The following AOPEP variants were observed in gnomAD, a reference collection of about 807,000 sequenced individuals.
The protein encoded by AOPEP is aminopeptidase O.
Under a neutral mutation model 98.1 loss-of-function variants are expected in AOPEP, and 77 were observed. The ratio of observed to expected loss-of-function variants is 0.78; its 90% CI spans 0.65 to 0.95. AOPEP has a LOEUF of 0.95. AOPEP is among the 40% of genes least tolerant of loss of function. The pLI is 0.00. For synonymous variants in AOPEP, 346 were observed against 365.3 expected, an observed-to-expected ratio of 0.95 and a Z score of 0.60; for missense variants, 1,024 against 1,024.7, an observed-to-expected ratio of 1.00 and a Z score of 0.01.
intron 7 of AOPEP, among the ~76,000 whole-genome samples, chr9:94,946,297 A>G (rs1035170936): frequency 1.3e-5 from 2 of 152,210 alleles, no homozygotes; most frequent in East Asian, 1.9e-4. Context: ...GCTTAAATAT[A>G]TTCCGGGCTG....
chr9:95,124,935 C>T, the AOPEP span: 8 of 717,550 alleles, frequency 1.1e-5, no homozygotes, highest in African/African-American at 5.3e-5. Context: ...GTTAAAATGG[C>T]TTAACCTTTG....
chr9:94,996,808 A>G (rs1289035096), intron 11 of AOPEP, among the ~76,000 whole-genome samples: 1 of 152,236 alleles, frequency 6.6e-6, no homozygotes, highest in Non-Finnish European at 1.5e-5. Flanking sequence ...TTTCTAAACA[A>G]TAGAGCCCAT....
intron 16 of AOPEP, chr9:95,085,893 T>G (rs941923823): frequency 5.0e-6 from 6 of 1,203,506 alleles, no homozygotes; most frequent in Non-Finnish European, 6.3e-6. Flanking sequence ...GAGCTCCTGT[T>G]GTTCTGGGCG....
At chr9:94,767,812 C>T (rs1362281027) in intron 2 of AOPEP, among the ~76,000 whole-genome samples, 1 of 152,206 alleles carries the variant, frequency 6.6e-6, no homozygotes, top group Admixed American at 6.5e-5. Flanking sequence ...GTCAAAGCAG[C>T]ATTCTCCCTG....
chr9:94,737,255 C>T (rs1831994150), intron 1 of AOPEP, among the ~76,000 whole-genome samples: 1 of 152,072 alleles, frequency 6.6e-6, no homozygotes, highest in African/African-American at 2.4e-5. Context: ...CAAGCACATG[C>T]CACCATGCCT....
rs187497142 is a variant in AOPEP at position 94,793,415 on chromosome 9, C to T, written c.1118+497C>T. Among the ~76,000 whole-genome samples, 455 of 151,952 alleles carry T rather than the reference C, an allele frequency of 3.0e-3. 4 individuals are homozygous for T. Among genetic ancestry groups the T allele is most frequent in the South Asian group, 0.022 (105 of 4,810 alleles). On this transcript the variant is annotated intron_variant, in intron 4 of 16. Transcript: ENST00000375315. ...GAAAGAGAGGCTGGGCGTGGTGGCT[C>T]AGGCCTGTAATCCCAGCACTTTGGG...
intron 3 of AOPEP, among the ~76,000 whole-genome samples, chr9:94,791,341 G>A (rs991985342): frequency 2.6e-5 from 4 of 151,990 alleles, no homozygotes; most frequent in Non-Finnish European, 4.4e-5. Context: ...GCCTGCTTGA[G>A]GGTGGAGGGT....
intron 16 of AOPEP, chr9:95,086,176 G>A (rs1192382920): frequency 2.2e-5 from 29 of 1,322,368 alleles, no homozygotes; most frequent in Non-Finnish European, 2.8e-5. Context: ...ACAGGCCCGC[G>A]TCCACCCTGC....
At chr9:94,963,199 A>G (rs538315454) in intron 9 of AOPEP, among the ~76,000 whole-genome samples, 1 of 152,092 alleles carries the variant, frequency 6.6e-6, no homozygotes, top group Admixed American at 6.5e-5. Context: ...CCCCTTCCCC[A>G]TGAACATGAT....
intron 6 of AOPEP, 127 bp from the exon 7 acceptor site, chr9:94,928,298 A>T: frequency 1.5e-6 from 1 of 678,020 alleles, no homozygotes. Context: ...TAGGTTTCTG[A>T]TGGAAGCAAG....
chr9:94,997,982 A>G (rs145755864), intron 11 of AOPEP, among the ~76,000 whole-genome samples: 7 of 152,152 alleles, frequency 4.6e-5, no homozygotes, highest in African/African-American at 1.4e-4. Flanking sequence ...TACAGGCATG[A>G]GCCACCACAC....
chr9:95,084,641 C>A (rs573333549), intron 16 of AOPEP, among the ~76,000 whole-genome samples: 2 of 152,242 alleles, frequency 1.3e-5, no homozygotes, highest in Non-Finnish European at 2.9e-5. Context: ...ACAGGGCACA[C>A]CCCTCGCCAC....
At chr9:94,850,940 A>G (rs917552698) in intron 5 of AOPEP, among the ~76,000 whole-genome samples, 1 of 152,218 alleles carries the variant, frequency 6.6e-6, no homozygotes, top group Non-Finnish European at 1.5e-5. Flanking sequence ...ACAGGGAGAC[A>G]TAGACATACA....
chr9:94,949,733 A>G (rs1259417355), intron 7 of AOPEP, among the ~76,000 whole-genome samples: 1 of 152,236 alleles, frequency 6.6e-6, no homozygotes, highest in Non-Finnish European at 1.5e-5. Context: ...GTCAGTGGCA[A>G]ATGTTCATTA....
intron 15 of AOPEP, among the ~76,000 whole-genome samples, chr9:95,081,086 G>A (rs935587190): frequency 2.6e-5 from 4 of 152,180 alleles, no homozygotes; most frequent in East Asian, 1.9e-4. Flanking sequence ...CCTTGGTGAC[G>A]CCGTGGGGTA....
intron 13 of AOPEP, among the ~76,000 whole-genome samples, chr9:95,031,795 C>G (rs2064328552): frequency 6.6e-6 from 1 of 152,212 alleles, no homozygotes; most frequent in African/African-American, 2.4e-5. Flanking sequence ...TGTCCCAGTT[C>G]AAACAAGCGA....
At chr9:95,111,789 G>T in the AOPEP span, 1 of 937,876 alleles carries the variant, frequency 1.1e-6, no homozygotes, top group Non-Finnish European at 1.7e-6. Context: ...GATTCAGAAA[G>T]CCTGTCCAAA....
At chr9:95,148,149 C>G in the AOPEP span, among the ~76,000 whole-genome samples, 4 of 152,184 alleles carry the variant, frequency 2.6e-5, no homozygotes, top group Non-Finnish European at 4.4e-5. Flanking sequence ...ATATGAATGT[C>G]TGATGAAGCA....
At chr9:95,052,628 A>G (rs780817588) in intron 13 of AOPEP, among the ~76,000 whole-genome samples, 2 of 152,218 alleles carry the variant, frequency 1.3e-5, no homozygotes, top group Non-Finnish European at 2.9e-5. Context: ...CGTGTTGATA[A>G]ATTATTAACT....
Sources: allele counts gnomAD v4.1 joint callset (sites outside exome capture counted in the v4.1 genomes callset), GRCh38; gene constraint gnomAD v4.1.1; transcripts MANE v1.5; gene names NCBI Gene and HGNC (gene_info 2026-07-23, HGNC 2026-07-21).